WNK3: variants seen among roughly 807,000 people sequenced by gnomAD.
WNK3 encodes the protein serine/threonine-protein kinase WNK3.
Under a neutral mutation model 116.7 loss-of-function variants are expected in WNK3, and 18 were observed. The ratio of observed to expected loss-of-function variants is 0.15; its 90% CI spans 0.11 to 0.23. WNK3 has a LOEUF of 0.23. WNK3 is among the 10% of genes least tolerant of loss of function. The probability of loss-of-function intolerance (pLI) is 1.00; values close to 1 mark genes in which losing one functional copy is unlikely to be tolerated. For missense variants in WNK3, 993 were observed against 1,323.8 expected, an observed-to-expected ratio of 0.75 and a Z score of 3.88; for synonymous variants, 404 against 469.4, an observed-to-expected ratio of 0.86 and a Z score of 1.80.
chrX:54,351,783 G>A (rs1429592760), intron 1 of WNK3, among the ~76,000 whole-genome samples: 2 of 110,622 alleles, frequency 1.8e-5, no homozygotes, highest in Non-Finnish European at 3.8e-5. Context: ...GTGGTGGCAC[G>A]CACCTGTAGT....
At chrX:54,223,226 AAAAGAACAGAAAAAG>A (rs1276908290) in intron 22 of WNK3, 2 of 110,811 alleles carry the variant, frequency 1.8e-5, no homozygotes, top group African/African-American at 6.5e-5. Context: ...CATTCAAAGT[AAAAGAACAGAAAAAG>A]ATATGGCATG....
intron 4 of WNK3, 30 bp downstream of exon 4, chrX:54,309,065 C>T: frequency 8.6e-7 from 1 of 1,164,552 alleles, no homozygotes; most frequent in Non-Finnish European, 1.2e-6. Context: ...CTCTCTTTAC[C>T]CAACCAGTAA....
At chrX:54,265,966 C>T (rs1171474821) in intron 10 of WNK3, among the ~76,000 whole-genome samples, 3 of 110,139 alleles carry the variant, frequency 2.7e-5, no homozygotes, top group Non-Finnish European at 1.9e-5. Flanking sequence ...GAGCCGAGAT[C>T]GTGCCACTGC....
chrX:54,318,927 G>A (rs1428765159), intron 2 of WNK3, among the ~76,000 whole-genome samples: 2 of 109,373 alleles, frequency 1.8e-5, no homozygotes, highest in South Asian at 4.0e-4. Context: ...ACAGGTGCCC[G>A]CCATCACGCC....
chrX:54,281,165 C>G (rs537834034), intron 10 of WNK3, among the ~76,000 whole-genome samples: 2 of 111,176 alleles, frequency 1.8e-5, no homozygotes, highest in African/African-American at 3.3e-5. Flanking sequence ...TCCCTTTGTA[C>G]GTGTATGTGT....
In WNK3 at chrX:54,340,614, AT is replaced by A. The variant is rs1299839451; in HGVS notation, c.-119-6823del. 9.5e-3 allele frequency among the ~76,000 whole-genome samples: 1,047 copies of A among 110,410 alleles called. 13 individuals carry two copies. The highest frequency in any genetic ancestry group is 0.034 in the African/African-American group (1,018 of 30,242). On this transcript the variant is annotated intron_variant, in intron 1 of 23. Transcript: ENST00000354646. ...TGACAGAGTGGGACCCTGAGTAAAA[AT>A]AAAAAAAAAAAAGAACCCAATAATG...
rs201501755 is a variant in WNK3 at position 54,198,344 on chromosome X, T to C, written c.5383A>G (p.Ile1795Val). ...CTGATTCATTTAGGACCAGGAGGGA[T>C]TGTGGCAGGATTCTGCACTGATGAA... is the stretch of plus-strand genomic sequence containing the variant. Residue 1795 changes from isoleucine (I) to valine (V), a missense_variant, in exon 24 of 24, where the codon ATC becomes GTC. This residue lies in a region of WNK3 where 836 missense variants were observed against 976.5 expected (regional missense o/e 0.86). Transcript: ENST00000354646. The C allele has an allele frequency of 1.7e-5, 20 of 1,195,217 alleles. No homozygotes were observed. In the East Asian group the frequency reaches 6.0e-4, roughly 36 times the overall value.
At chrX:54,238,375 C>T (rs371335102) in exon 19 of WNK3, 108 of 1,208,566 alleles carry the variant, frequency 8.9e-5, no homozygotes, top group Middle Eastern at 2.3e-4. Context: ...ATCCACTCAT[C>T]GCTTTACATC....
At chrX:54,279,120 A>T (rs1330243508) in intron 10 of WNK3, among the ~76,000 whole-genome samples, 4 of 110,109 alleles carry the variant, frequency 3.6e-5, no homozygotes, top group African/African-American at 1.3e-4. Flanking sequence ...AAACATTAAC[A>T]TAGATCACAC....
chrX:54,265,549 A>G (rs1334835588), intron 10 of WNK3, among the ~76,000 whole-genome samples: 2 of 111,618 alleles, frequency 1.8e-5, no homozygotes, highest in East Asian at 5.6e-4. Flanking sequence ...TGTGCAGGGG[A>G]GTCCAGATCC....
intron 10 of WNK3, among the ~76,000 whole-genome samples, chrX:54,270,191 C>T (rs868965568): frequency 1.3e-4 from 14 of 110,339 alleles, no homozygotes; most frequent in Middle Eastern, 4.7e-3. Context: ...CTGCAACCTC[C>T]GCCTCCCAGG....
At position 54,293,048 on chromosome X, in the gene WNK3, A is replaced by G; in HGVS notation, c.1888-11T>C. The G allele has an allele frequency of 8.3e-7, 1 of 1,201,685 alleles. No homozygotes were observed. Among genetic ancestry groups the G allele is most frequent in the Non-Finnish European group, 1.1e-6 (1 of 892,135 alleles). The stretch of plus-strand genomic sequence containing the variant: ...TGAATGCTTCTGTAACTGTTAAAAT[A>G]AGGGGAAAAAAAGATTAAAGATAAA... On this transcript the variant is annotated splice_polypyrimidine_tract_variant and intron_variant, in intron 9 of 23. Coordinates refer to ENST00000354646, the Ensembl canonical transcript of WNK3.
chrX:54,316,031 G>T (rs2068950925), intron 2 of WNK3, among the ~76,000 whole-genome samples: 1 of 111,568 alleles, frequency 9.0e-6, no homozygotes, highest in Admixed American at 9.6e-5. Flanking sequence ...CAGCCCACTA[G>T]TCTTTTAGCT....
chrX:54,355,035 G>T (rs1317098280), intron 1 of WNK3, among the ~76,000 whole-genome samples: 1 of 111,261 alleles, frequency 9.0e-6, no homozygotes, highest in Non-Finnish European at 1.9e-5. Context: ...AGTAAGCCAA[G>T]ATCACGCCAC....
intron 1 of WNK3, among the ~76,000 whole-genome samples, chrX:54,334,276 A>G (rs1173423478): frequency 2.7e-5 from 3 of 111,975 alleles, no homozygotes; most frequent in African/African-American, 6.5e-5. Flanking sequence ...AGTGGTGTTA[A>G]GTACATTCAC....
chrX:54,279,384 G>A (rs1284944888), intron 10 of WNK3, among the ~76,000 whole-genome samples: 2 of 111,103 alleles, frequency 1.8e-5, no homozygotes, highest in Non-Finnish European at 3.8e-5. Flanking sequence ...GGGCAACACA[G>A]GGAGACCCGT....
intron 10 of WNK3, among the ~76,000 whole-genome samples, chrX:54,265,699 T>C (rs957179453): frequency 6.2e-5 from 7 of 112,402 alleles, no homozygotes; most frequent in Non-Finnish European, 1.3e-4. Flanking sequence ...AGAAAAAGGC[T>C]ACAAAAGAAC....
chrX:54,275,495 T>C (rs1049559197), intron 10 of WNK3, among the ~76,000 whole-genome samples: 3 of 75,933 alleles, frequency 4.0e-5, no homozygotes, highest in Non-Finnish European at 7.3e-5. Context: ...GAGCAACCAC[T>C]AAGAAAACTG....
intron 3 of WNK3, 144 bp downstream of exon 3, chrX:54,310,975 C>T: frequency 2.4e-6 from 1 of 419,233 alleles, no homozygotes; most frequent in Non-Finnish European, 4.0e-6. Flanking sequence ...CTCAGTCTCC[C>T]AAAGTGCTGG....
Sources: allele counts gnomAD v4.1 joint callset (sites outside exome capture counted in the v4.1 genomes callset), GRCh38; gene constraint gnomAD v4.1.1; regional missense constraint gnomAD v4.1.1; transcripts MANE v1.5; gene names NCBI Gene and HGNC (gene_info 2026-07-23, HGNC 2026-07-21).